The following PLA2G2E variants were observed in gnomAD, a reference collection of about 807,000 sequenced individuals.
PLA2G2E encodes the protein group IIE secretory phospholipase A2.
In PLA2G2E, 14 loss-of-function variants were observed where a neutral mutation model predicts 16.5. The observed-to-expected ratio is 0.85, with a 90% CI of 0.56 to 1.33. The LOEUF is 1.33. Among genes scored for constraint, PLA2G2E ranks in the 40% most tolerant of loss-of-function variants. The probability of loss-of-function intolerance (pLI) is 0.00; values close to 1 mark genes in which losing one functional copy is unlikely to be tolerated. For missense variants in PLA2G2E, 174 were observed against 190.7 expected (o/e 0.91, Z 0.52); for synonymous variants, 72 against 77.2 (o/e 0.93, Z 0.36).
chr1:19,922,768 A>AGAGGGAGAGGGAGAGGGAGGGG lies in PLA2G2E; in HGVS notation c.41-14_41-13insCCCCTCCCTCTCCCTCTCCCTC. 6.2e-7 allele frequency: 1 copy of AGAGGGAGAGGGAGAGGGAGGGG among 1,612,454 alleles called. No homozygotes were observed. The highest frequency in any genetic ancestry group is 1.1e-5 in the South Asian group (1 of 90,988). On this transcript the variant is annotated splice_polypyrimidine_tract_variant and intron_variant, in intron 1 of 3. Transcript: ENST00000375116. Reference sequence around the variant, plus strand: ...GTGACCAGAGCCACTGCAGAGAGGGAGAGGGAGAGGGAGAGGGAGGGCCCC... The same window carrying AGAGGGAGAGGGAGAGGGAGGGG: ...GTGACCAGAGCCACTGCAGAGAGGGAGAGGGAGAGGGAGAGGGAGGGGGAGGGAGAGGGAGAGGGAGGGCCCC...
At chr1:19,922,558 C>T in intron 2 of PLA2G2E, 59 bp downstream of exon 2, 1 of 1,593,198 alleles carries the variant, frequency 6.3e-7, no homozygotes. Flanking sequence ...CCAGGATCCT[C>T]CCAGGATCCC....
In PLA2G2E at chr1:19,920,186, ATGAG is replaced by A. The variant is rs2045803137; in HGVS notation, c.*117_*120del. On this transcript the variant is annotated 3_prime_UTR_variant, in exon 4 of 4. Transcript: ENST00000375116. This position sits in a 1 kb window ranked among gnomAD's most constrained non-coding sequence, Gnocchi z 4.3. ...CATATCTCTGAGCTCTCAAGGAGGG[ATGAG>A]TTTGCAGGAAAGGAATTTTCCAAAG... 4 of 784,904 alleles carry A rather than the reference ATGAG, an allele frequency of 5.1e-6. No individual in the cohort carries two copies. The highest frequency in any genetic ancestry group is 8.2e-6 in the Non-Finnish European group (4 of 490,132). The allele number at this position is 784,904 out of a possible 1,614,324, so 48.6% of individuals were successfully genotyped here. A position where few individuals can be genotyped will look rare whatever the true frequency, so the allele number is the denominator to read the frequency against.
In PLA2G2E at chr1:19,920,429, G is replaced by A; in HGVS notation, c.307C>T (p.Arg103Trp). Residue 103 changes from arginine to tryptophan, a missense_variant, in exon 4 of 4, where the codon CGG becomes TGG. By Grantham distance (101) the Arg-to-Trp change is moderately radical. Coordinates refer to ENST00000375116, the MANE Select transcript of PLA2G2E (RefSeq NM_014589.3). This position sits in a 1 kb window ranked among gnomAD's most constrained non-coding sequence, Gnocchi z 4.3. The stretch of plus-strand genomic sequence containing the variant: ...CTCTTGTCACACTCGCAGGTCAGCC[G>A]CTGGCAGGTGGTCCTGCCGGCTGGA... ...IFCAGRTTCQ[R>W]LTCECDKRAA... 3 of 1,613,724 alleles carry A rather than the reference G, an allele frequency of 1.9e-6. No homozygotes were observed. Among genetic ancestry groups the A allele is most frequent in the South Asian group, 1.1e-5 (1 of 91,058 alleles).
At chr1:19,921,576 G>T (rs1189780008) in intron 3 of PLA2G2E, among the ~76,000 whole-genome samples, 1 of 152,216 alleles carries the variant, frequency 6.6e-6, no homozygotes, top group Non-Finnish European at 1.5e-5. Context: ...GGCGGCAGAG[G>T]AAATGGAGCC....
At position 19,920,509 on chromosome 1, in the gene PLA2G2E, T is replaced by G; in HGVS notation, c.287-60A>C. Reference sequence around the variant, plus strand: ...GCTCAGGATATGTGTGGGACAGCTCTTGGCTGCTTCTGGGTCCACGTTCTT... The same window carrying G: ...GCTCAGGATATGTGTGGGACAGCTCGTGGCTGCTTCTGGGTCCACGTTCTT... On this transcript the variant is annotated intron_variant, in intron 3 of 3. Coordinates refer to ENST00000375116, the MANE Select transcript of PLA2G2E (RefSeq NM_014589.3). The surrounding 1 kb of genome is among the most constrained non-coding windows in gnomAD (Gnocchi z 4.3). 4 of 1,560,686 alleles carry G rather than the reference T, an allele frequency of 2.6e-6. No individual in the cohort carries two copies. Among genetic ancestry groups the G allele is most frequent in the Admixed American group, 3.5e-5 (2 of 57,708 alleles).
intron 3 of PLA2G2E, among the ~76,000 whole-genome samples, chr1:19,921,587 A>G (rs2045815939): frequency 6.6e-6 from 1 of 152,188 alleles, no homozygotes. Context: ...AAATGGAGCC[A>G]GCTCTGCCCC....
Position 19,920,288 on chromosome 1 carries a change from G to T in PLA2G2E, c.*19C>A, listed in dbSNP as rs1352319418. ...CCGAGGCGGGACCTCCAGGGACGGG[G>T]GGGAGGCCGAGCATAGCCTCAGCAG... On this transcript the variant is annotated 3_prime_UTR_variant, in exon 4 of 4. Transcript: ENST00000375116. This position sits in a 1 kb window ranked among gnomAD's most constrained non-coding sequence, Gnocchi z 4.3. 1.2e-6 allele frequency: 2 copies of T among 1,605,528 alleles called. No individual in the cohort carries two copies. Among genetic ancestry groups the T allele is most frequent in the Non-Finnish European group, 1.7e-6 (2 of 1,175,558 alleles).
intron 1 of PLA2G2E, 117 bp downstream of exon 1, chr1:19,923,403 G>C (rs1264862518): frequency 3.4e-6 from 3 of 878,400 alleles, no homozygotes; most frequent in Non-Finnish European, 5.2e-6. Context: ...GCAGGAAGGG[G>C]GCAGCCTCCA....
At position 19,922,293 on chromosome 1, in the gene PLA2G2E, C is replaced by G. The variant is rs780404061; in HGVS notation, c.286+5G>C. On this transcript the variant is annotated splice_donor_5th_base_variant and intron_variant, in intron 3 of 3. Transcript: ENST00000375116. The stretch of plus-strand genomic sequence containing the variant: ...GTCTAGGTCACTTCAGGGCTCTCCA[C>G]CTACCGCAGAAAATGCCACGTTCGC... 2 of 1,609,422 alleles carry G rather than the reference C, an allele frequency of 1.2e-6. No individual in the cohort carries two copies. The highest frequency in any genetic ancestry group is 4.5e-5 in the East Asian group (2 of 44,866).
rs1344710579 is a variant in PLA2G2E at position 19,920,256 on chromosome 1, C to T, written c.*51G>A. ...CCAATGTTCCCCAGGCCTGGGACTA[C>T]AGCAGCCCGAGGCGGGACCTCCAGG... On this transcript the variant is annotated 3_prime_UTR_variant, in exon 4 of 4. Coordinates refer to ENST00000375116, the MANE Select transcript of PLA2G2E (RefSeq NM_014589.3). This position sits in a 1 kb window ranked among gnomAD's most constrained non-coding sequence, Gnocchi z 4.3. 1.3e-6 allele frequency: 2 copies of T among 1,556,462 alleles called. No homozygotes were observed. Among genetic ancestry groups the T allele is most frequent in the Middle Eastern group, 2.3e-4 (1 of 4,324 alleles).
At chr1:19,921,024 T>A (rs953272182) in intron 3 of PLA2G2E, among the ~76,000 whole-genome samples, 1 of 152,194 alleles carries the variant, frequency 6.6e-6, no homozygotes, top group Non-Finnish European at 1.5e-5. Context: ...TACCCTGACC[T>A]GTCCTTCCTA....
intron 2 of PLA2G2E, 64 bp downstream of exon 2, chr1:19,922,553 A>T: frequency 6.3e-7 from 1 of 1,593,206 alleles, no homozygotes; most frequent in Non-Finnish European, 8.6e-7. Context: ...TTCTCCCAGG[A>T]TCCTCCCAGG....
In PLA2G2E at chr1:19,920,187, T is replaced by A; in HGVS notation, c.*120A>T. 1 of 791,750 alleles carries A rather than the reference T, an allele frequency of 1.3e-6. No homozygotes were observed. The highest frequency in any genetic ancestry group is 2.0e-6 in the Non-Finnish European group (1 of 496,456). 49.0% of individuals were successfully genotyped at this position (791,750 alleles called of 1,614,324 possible). A position where few individuals can be genotyped will look rare whatever the true frequency, so the allele number is the denominator to read the frequency against. Reference sequence around the variant, plus strand: ...ATATCTCTGAGCTCTCAAGGAGGGATGAGTTTGCAGGAAAGGAATTTTCCA... The same window carrying A: ...ATATCTCTGAGCTCTCAAGGAGGGAAGAGTTTGCAGGAAAGGAATTTTCCA... On this transcript the variant is annotated 3_prime_UTR_variant, in exon 4 of 4. Coordinates refer to ENST00000375116, the MANE Select transcript of PLA2G2E (RefSeq NM_014589.3). This position sits in a 1 kb window ranked among gnomAD's most constrained non-coding sequence, Gnocchi z 4.3.
intron 3 of PLA2G2E, among the ~76,000 whole-genome samples, chr1:19,921,315 G>A (rs1190102596): frequency 6.6e-6 from 1 of 152,230 alleles, no homozygotes; most frequent in Non-Finnish European, 1.5e-5. Flanking sequence ...CAGGAGCTGG[G>A]CTGAGCTGGG....
Position 19,920,586 on chromosome 1 carries a change from C to T in PLA2G2E, c.287-137G>A, listed in dbSNP as rs2045806987. On this transcript the variant is annotated intron_variant, in intron 3 of 3. Transcript: ENST00000375116. The surrounding 1 kb of genome is among the most constrained non-coding windows in gnomAD (Gnocchi z 4.3). ...AAGCCCAAGCTCCCGGGTTGTTTCACGGATGGGTGAGACAAGAGACAAGGG... is the reference window on the plus strand; with the variant it reads ...AAGCCCAAGCTCCCGGGTTGTTTCATGGATGGGTGAGACAAGAGACAAGGG... 2.4e-6 allele frequency: 2 copies of T among 830,134 alleles called. No homozygotes were observed. Among genetic ancestry groups the T allele is most frequent in the South Asian group, 1.8e-5 (1 of 56,828 alleles). The allele number at this position is 830,134 out of a possible 1,614,324, so 51.4% of individuals were successfully genotyped here. A position where few individuals can be genotyped will look rare whatever the true frequency, so the allele number is the denominator to read the frequency against.
Position 19,922,354 on chromosome 1 carries a change from C to G in PLA2G2E, c.230G>C (p.Cys77Ser), listed in dbSNP as rs150118869. 11 of 1,613,932 alleles carry G rather than the reference C, an allele frequency of 6.8e-6. No individual in the cohort carries two copies. Among genetic ancestry groups the G allele is most frequent in the Non-Finnish European group, 9.3e-6 (11 of 1,179,934 alleles). ...AAGATACTTTTCCAGTTTGGGCTCACAGCCCAGCTTCTCCAGACGCCCGTA... is the reference window on the plus strand; with the variant it reads ...AAGATACTTTTCCAGTTTGGGCTCAGAGCCCAGCTTCTCCAGACGCCCGTA... Reference protein sequence around the residue: ...CCYGRLEKLGCEPKLEKYLFS... With the variant: ...CCYGRLEKLGSEPKLEKYLFS... Residue 77 changes from cysteine to serine, a missense_variant, in exon 3 of 4, where the codon TGT becomes TCT. By Grantham distance (112) the Cys-to-Ser change is moderately radical (BLOSUM62 -1). Transcript: ENST00000375116.
intron 3 of PLA2G2E, among the ~76,000 whole-genome samples, chr1:19,921,417 G>T (rs1323885187): frequency 6.6e-6 from 1 of 152,212 alleles, no homozygotes; most frequent in Non-Finnish European, 1.5e-5. Context: ...GCAGGTGGAA[G>T]GTGACGCCCT....
At position 19,920,206 on chromosome 1, in the gene PLA2G2E, T is replaced by G. The variant is rs2045803256; in HGVS notation, c.*101A>C. On this transcript the variant is annotated 3_prime_UTR_variant, in exon 4 of 4. Transcript: ENST00000375116. The surrounding 1 kb of genome is among the most constrained non-coding windows in gnomAD (Gnocchi z 4.3). ...GAGGGATGAGTTTGCAGGAAAGGAA[T>G]TTTCCAAAGGGAGGGCCTTTGGTGC... 1 of 1,038,558 alleles carries G rather than the reference T, an allele frequency of 9.6e-7. No homozygotes were observed. The highest frequency in any genetic ancestry group is 1.4e-6 in the Non-Finnish European group (1 of 712,912). The allele number at this position is 1,038,558 out of a possible 1,614,324, so 64.3% of individuals were successfully genotyped here.
At chr1:19,922,587 T>C (rs756466403) in intron 2 of PLA2G2E, 30 bp downstream of exon 2, 1 of 1,612,484 alleles carries the variant, frequency 6.2e-7, no homozygotes, top group Non-Finnish European at 8.5e-7. Context: ...TCCATCCCCA[T>C]GGAGGTCCCC....
Sources: gnomAD v4.1 joint callset for allele counts (sites outside exome capture counted in the v4.1 genomes callset) on GRCh38, gnomAD v4.1.1 for gene constraint, Gnocchi (gnomAD v3.1) non-coding constraint, MANE v1.5 for transcripts, NCBI Gene and HGNC (gene_info 2026-07-23, HGNC 2026-07-21) for gene names.